The following TET1 variants were observed in gnomAD, a reference collection of about 807,000 sequenced individuals.
TET1 encodes tet methylcytosine dioxygenase 1.
Under a neutral mutation model 148.7 loss-of-function variants are expected in TET1, and 13 were observed. That is an observed-to-expected ratio of 0.09 (90% confidence interval 0.06 to 0.14). The LOEUF is 0.14. Ranked by LOEUF, TET1 falls within the 10% of genes least tolerant of loss-of-function variation. The pLI is 1.00. For synonymous variants in TET1, 907 were observed against 937.2 expected, an observed-to-expected ratio of 0.97 and a Z score of 0.59; for missense variants, 2,182 against 2,553.8, an observed-to-expected ratio of 0.85 and a Z score of 3.14.
intron 3 of TET1, among the ~76,000 whole-genome samples, chr10:68,613,183 C>T (rs1399769823): frequency 6.6e-6 from 1 of 152,176 alleles, no homozygotes; most frequent in African/African-American, 2.4e-5. Context: ...ATTGCTATGG[C>T]AAATCAAGAT....
intron 3 of TET1, among the ~76,000 whole-genome samples, chr10:68,607,237 A>G (rs908372853): frequency 2.6e-5 from 4 of 151,616 alleles, no homozygotes; most frequent in Admixed American, 2.6e-4. Flanking sequence ...TATCCTGAAT[A>G]CTTAGGCTCA....
chr10:68,577,704 G>A (rs1163952037), intron 2 of TET1, among the ~76,000 whole-genome samples: 1 of 152,102 alleles, frequency 6.6e-6, no homozygotes, highest in Non-Finnish European at 1.5e-5. Flanking sequence ...AGCTACTCTG[G>A]AGGCTAAGGC....
At chr10:68,624,636 CTTTCTTTCTT>C (rs1309449701) in intron 3 of TET1, among the ~76,000 whole-genome samples, 20 of 45,242 alleles carry the variant, frequency 4.4e-4, no homozygotes, top group Admixed American at 1.8e-3. Context: ...TTCTTTCTTT[CTTTCTTTCTT>C]TCTTTCTTTC....
chr10:68,667,186 A>C lies in TET1; in HGVS notation c.4603A>C (p.Thr1535Pro). The C allele has an allele frequency of 6.2e-7, 1 of 1,614,128 alleles. No homozygotes were observed. Among genetic ancestry groups the C allele is most frequent in the South Asian group, 1.1e-5 (1 of 91,072 alleles). ...TCTTCCAATGGCCGACCGGCTATAC[A>C]CAGAGCTCACAGAGAATCTAAAGTC... ...IPLPMADRLY[T>P]ELTENLKSYN... The change falls in exon 7 of 12, where the codon ACA becomes CCA. Residue 1535 changes from threonine (T) to proline (P), a missense_variant. Thr to Pro is a conservative substitution (Grantham distance 38, BLOSUM62 -1). Coordinates refer to ENST00000373644, the MANE Select transcript of TET1 (RefSeq NM_030625.3).
At chr10:68,593,093 G>C (rs532425227) in intron 2 of TET1, among the ~76,000 whole-genome samples, 3 of 152,026 alleles carry the variant, frequency 2.0e-5, no homozygotes, top group African/African-American at 7.2e-5. Flanking sequence ...TTACCTGGGC[G>C]TGGTGGCATG....
At chr10:68,677,995 A>T (rs2055384340) in intron 8 of TET1, among the ~76,000 whole-genome samples, 1 of 151,442 alleles carries the variant, frequency 6.6e-6, no homozygotes, top group African/African-American at 2.4e-5. Context: ...CAGAGTGAGG[A>T]GGGAGGCCAC....
chr10:68,566,192 T>A (rs59152201), intron 1 of TET1, among the ~76,000 whole-genome samples: 2 of 152,234 alleles, frequency 1.3e-5, no homozygotes, highest in Non-Finnish European at 2.9e-5. Context: ...ATATGAATTT[T>A]AATTTTTGTG....
chr10:68,619,017 A>T (rs1427366337), intron 3 of TET1, among the ~76,000 whole-genome samples: 1 of 152,182 alleles, frequency 6.6e-6, no homozygotes, highest in East Asian at 1.9e-4. Context: ...GAATTCATTT[A>T]ATAGTAGTTT....
intron 3 of TET1, among the ~76,000 whole-genome samples, chr10:68,626,104 AAAAAAGAAAAG>A (rs1460259415): frequency 9.6e-5 from 1 of 10,404 alleles, no homozygotes; most frequent in Non-Finnish European, 1.9e-4. Context: ...AAAAGAAAAA[AAAAAAGAAAAG>A]AAAAAGAAAA....
intron 1 of TET1, among the ~76,000 whole-genome samples, chr10:68,571,980 G>C (rs2053675422): frequency 6.6e-6 from 1 of 152,108 alleles, no homozygotes; most frequent in African/African-American, 2.4e-5. Flanking sequence ...AGCCAGGTGT[G>C]ATGGTGTGAG....
At chr10:68,580,176 C>T (rs979230824) in intron 2 of TET1, among the ~76,000 whole-genome samples, 2 of 151,882 alleles carry the variant, frequency 1.3e-5, no homozygotes, top group African/African-American at 2.4e-5. Flanking sequence ...GATCCACCCC[C>T]CTTGGCCTCC....
chr10:68,640,137 G>C (rs1205332597), intron 3 of TET1, among the ~76,000 whole-genome samples: 1 of 152,058 alleles, frequency 6.6e-6, no homozygotes, highest in Non-Finnish European at 1.5e-5. Flanking sequence ...ATGTTGGTCA[G>C]GCTGGTCTTG....
chr10:68,625,960 T>A (rs1401866137), intron 3 of TET1, among the ~76,000 whole-genome samples: 1 of 151,730 alleles, frequency 6.6e-6, no homozygotes, highest in East Asian at 1.9e-4. Flanking sequence ...TCTACATGCC[T>A]GCAGTCCCAT....
intron 2 of TET1, among the ~76,000 whole-genome samples, chr10:68,591,607 A>G (rs2132841786): frequency 6.6e-6 from 1 of 152,278 alleles, no homozygotes; most frequent in East Asian, 1.9e-4. Context: ...CTCAACAAAA[A>G]CAGCCTACAT....
intron 6 of TET1, among the ~76,000 whole-genome samples, chr10:68,658,189 C>T (rs918255278): frequency 6.6e-6 from 1 of 151,938 alleles, no homozygotes; most frequent in African/African-American, 2.4e-5. Context: ...CCTAAACTGC[C>T]CCCTCACCTT....
At chr10:68,659,848 T>C (rs1045575085) in intron 6 of TET1, among the ~76,000 whole-genome samples, 1 of 152,144 alleles carries the variant, frequency 6.6e-6, no homozygotes, top group Non-Finnish European at 1.5e-5. Flanking sequence ...GATCAAGACA[T>C]TACCAAAACT....
intron 2 of TET1, among the ~76,000 whole-genome samples, chr10:68,592,532 G>T (rs1425778542): frequency 6.6e-6 from 1 of 152,126 alleles, no homozygotes; most frequent in East Asian, 1.9e-4. Flanking sequence ...GTAAAGGCTG[G>T]CATCTCTTCA....
At chr10:68,583,864 T>C (rs1049171028) in intron 2 of TET1, among the ~76,000 whole-genome samples, 4 of 151,484 alleles carry the variant, frequency 2.6e-5, no homozygotes, top group African/African-American at 9.7e-5. Flanking sequence ...TAAGCTGAGA[T>C]TGAACCACTG....
At chr10:68,687,416 C>T (rs966729029) in intron 11 of TET1, among the ~76,000 whole-genome samples, 2 of 152,000 alleles carry the variant, frequency 1.3e-5, no homozygotes, top group Non-Finnish European at 2.9e-5. Flanking sequence ...CCATCTAATT[C>T]GAAGCCCTAC....
Sources: gnomAD v4.1 joint callset for allele counts (sites outside exome capture counted in the v4.1 genomes callset) on GRCh38, gnomAD v4.1.1 for gene constraint, MANE v1.5 for transcripts, NCBI Gene and HGNC (gene_info 2026-07-23, HGNC 2026-07-21) for gene names.